CYFIP1: variants seen among roughly 807,000 people sequenced by gnomAD.
The protein encoded by CYFIP1 is cytoplasmic FMR1 interacting protein 1.
A neutral mutation model predicts 163.5 loss-of-function variants in CYFIP1; 58 were observed. That is an observed-to-expected ratio of 0.35 (90% CI 0.29 to 0.44). The LOEUF (loss-of-function observed/expected upper bound fraction) is 0.44, where lower values mean the gene tolerates loss of function less well. CYFIP1 is among the 20% of genes least tolerant of loss of function. The pLI is 1.00. For missense variants in CYFIP1, 1,338 were observed against 1,653.8 expected (o/e 0.81, Z 3.31); for synonymous variants, 663 against 660.7 (o/e 1.00, Z -0.05).
intron 1 of CYFIP1, among the ~76,000 whole-genome samples, chr15:22,980,059 C>T (rs2063424573): frequency 1.3e-5 from 2 of 148,370 alleles, no homozygotes; most frequent in South Asian, 4.3e-4. Context: ...GCAGGGAGTG[C>T]GGGGACCTGG....
chr15:22,954,383 G>A (rs976321563), intron 1 of CYFIP1, among the ~76,000 whole-genome samples: 2 of 152,228 alleles, frequency 1.3e-5, no homozygotes, highest in African/African-American at 4.8e-5. Context: ...TCACCCAGGT[G>A]GGACGCAGAT....
At chr15:22,976,152 ATTTAAT>A (rs974947076) in intron 1 of CYFIP1, among the ~76,000 whole-genome samples, 1 of 151,578 alleles carries the variant, frequency 6.6e-6, no homozygotes, top group African/African-American at 2.4e-5. Context: ...GTGTTTTTAA[ATTTAAT>A]TTTCTTTTTT....
At chr15:22,897,045 T>A (rs1024614719) in intron 22 of CYFIP1, among the ~76,000 whole-genome samples, 1 of 152,070 alleles carries the variant, frequency 6.6e-6, no homozygotes, top group African/African-American at 2.4e-5. Context: ...AAACCCCATG[T>A]CTACTAAAAA....
chr15:22,953,245 C>A (rs955097170), intron 1 of CYFIP1, among the ~76,000 whole-genome samples: 8 of 152,076 alleles, frequency 5.3e-5, no homozygotes, highest in Non-Finnish European at 1.2e-4. Flanking sequence ...GCGTGGGGGC[C>A]CTGGCGGTGT....
At chr15:22,959,460 G>A (rs1323864183) in intron 1 of CYFIP1, among the ~76,000 whole-genome samples, 1 of 152,234 alleles carries the variant, frequency 6.6e-6, no homozygotes, top group Non-Finnish European at 1.5e-5. Flanking sequence ...AGCCCAGAGG[G>A]ACAGGGAGCT....
rs931477986 is a variant in CYFIP1 at position 22,869,889 on chromosome 15, A to G, written c.*139T>C. On this transcript the variant is annotated 3_prime_UTR_variant, in exon 31 of 31. Transcript: ENST00000617928. ...TAGTCTAGAAAAATAAGTCAATTTTATAAAATTAAGTTTTTAGATCGAAAA... is the reference window on the plus strand; with the variant it reads ...TAGTCTAGAAAAATAAGTCAATTTTGTAAAATTAAGTTTTTAGATCGAAAA... 2.8e-5 allele frequency: 20 copies of G among 708,704 alleles called. No individual in the cohort carries two copies. In the East Asian group the frequency reaches 4.1e-4, roughly 15 times the overall value. 43.9% of individuals were successfully genotyped at this position (708,704 alleles called of 1,614,324 possible). A position where few individuals can be genotyped will look rare whatever the true frequency, so the allele number is the denominator to read the frequency against.
At position 22,932,214 on chromosome 15, in the gene CYFIP1, G is replaced by T. The variant is rs113660307; in HGVS notation, c.1110+9C>A. ...GGGTGCCTGTGCAGCTCCAGGTCGC[G>T]GGGCGCACCTCGCTGTTGCTGTAGC... is the stretch of plus-strand genomic sequence containing the variant. On this transcript the variant is annotated intron_variant, in intron 11 of 30. Transcript: ENST00000617928. The T allele has an allele frequency of 1.2e-6, 2 of 1,602,338 alleles. No homozygotes were observed. The highest frequency in any genetic ancestry group is 1.1e-5 in the South Asian group (1 of 89,708).
chr15:22,930,211 C>CCA (rs2061492779), intron 11 of CYFIP1, among the ~76,000 whole-genome samples: 1 of 149,098 alleles, frequency 6.7e-6, no homozygotes, highest in Non-Finnish European at 1.5e-5. Flanking sequence ...AAAACACACA[C>CCA]AAAAAAAAAC....
intron 1 of CYFIP1, among the ~76,000 whole-genome samples, chr15:22,958,448 C>G (rs1226372590): frequency 2.0e-5 from 3 of 152,208 alleles, no homozygotes; most frequent in Non-Finnish European, 4.4e-5. Context: ...CTCAAAAGAA[C>G]AGCCTCATCA....
chr15:22,870,605 C>T (rs570862748), intron 30 of CYFIP1, among the ~76,000 whole-genome samples: 32 of 152,320 alleles, frequency 2.1e-4, no homozygotes, highest in African/African-American at 7.7e-4. Flanking sequence ...TGAGCCAGCA[C>T]TCCCAGCCAC....
chr15:22,881,907 C>T lies in CYFIP1; in HGVS notation c.2850G>A (p.Lys950=). 1 of 1,612,618 alleles carries T rather than the reference C, an allele frequency of 6.2e-7. No homozygotes were observed. Among genetic ancestry groups the T allele is most frequent in the Non-Finnish European group, 8.5e-7 (1 of 1,179,992 alleles). Residue 950 remains lysine (K), a synonymous_variant, in exon 25 of 31, where the codon AAG becomes AAA. Transcript: ENST00000617928. ...TCTTGGGCATCACCTCCATCAGCGT[C>T]TTCACGTACTGCAGGATTGTGCCTT... ...LLQGTILQYV[K]TLMEVMPKIC...
At chr15:22,912,304 C>T (rs1218521766) in intron 17 of CYFIP1, 29 bp from the exon 18 acceptor site, 7 of 1,538,046 alleles carry the variant, frequency 4.6e-6, no homozygotes, top group Non-Finnish European at 6.2e-6. Flanking sequence ...GTGTGACCAG[C>T]AGCCTCTGCC....
chr15:22,905,455 ATTTC>A (rs1334054133), intron 21 of CYFIP1: 1 of 148,534 alleles, frequency 6.7e-6, no homozygotes, highest in African/African-American at 2.5e-5. Context: ...TTCTGCTTTA[ATTTC>A]TTTTTGATTT....
intron 3 of CYFIP1, among the ~76,000 whole-genome samples, chr15:22,945,900 ACAC>A (rs2062043041): frequency 6.6e-6 from 1 of 152,116 alleles, no homozygotes; most frequent in Non-Finnish European, 1.5e-5. Flanking sequence ...TTTTTTTATT[ACAC>A]GACATAAAAG....
At chr15:22,913,086 C>T (rs1381989548) in intron 17 of CYFIP1, among the ~76,000 whole-genome samples, 1 of 152,020 alleles carries the variant, frequency 6.6e-6, no homozygotes, top group East Asian at 1.9e-4. Flanking sequence ...GTCCCAGCTA[C>T]TCAGGAGGCT....
At chr15:22,916,421 G>T in intron 16 of CYFIP1, 56 bp downstream of exon 16, 1 of 1,307,142 alleles carries the variant, frequency 7.7e-7, no homozygotes, top group Non-Finnish European at 1.1e-6. Flanking sequence ...CATTCTAGAC[G>T]GTGTTAGTGG....
chr15:22,892,855 C>T (rs777584881), intron 23 of CYFIP1, 35 bp downstream of exon 23: 1 of 1,513,756 alleles, frequency 6.6e-7, no homozygotes, highest in South Asian at 1.1e-5. Context: ...TCATTATGAG[C>T]TTCAAGCTCG....
chr15:22,880,149 C>T, intron 25 of CYFIP1, 106 bp from the exon 26 acceptor site: 1 of 1,483,790 alleles, frequency 6.7e-7, no homozygotes, highest in Non-Finnish European at 9.3e-7. Context: ...CGCCATCAAG[C>T]CTGGCTATAA....
At chr15:22,895,240 T>G (rs2060206188) in intron 22 of CYFIP1, among the ~76,000 whole-genome samples, 1 of 152,152 alleles carries the variant, frequency 6.6e-6, no homozygotes, top group Admixed American at 6.5e-5. Context: ...GGTCTCGATC[T>G]CCTGACCTCG....
Sources: allele counts gnomAD v4.1 joint callset (sites outside exome capture counted in the v4.1 genomes callset), GRCh38; gene constraint gnomAD v4.1.1; transcripts MANE v1.5; gene names NCBI Gene and HGNC (gene_info 2026-07-23, HGNC 2026-07-21).